YPEL4: variants seen among roughly 807,000 people sequenced by gnomAD.
The protein encoded by YPEL4 is protein yippee-like 4.
In YPEL4, 5 loss-of-function variants were observed where a neutral mutation model predicts 16.3. That is an observed-to-expected ratio of 0.31 (90% CI 0.16 to 0.64). The LOEUF is 0.64. Among genes scored for constraint, YPEL4 ranks in the 30% least tolerant of loss-of-function variants. YPEL4 has a pLI of 0.79. For missense variants in YPEL4, 127 were observed against 170.0 expected, an observed-to-expected ratio of 0.75 and a Z score of 1.41; for synonymous variants, 61 against 60.7, an observed-to-expected ratio of 1.00 and a Z score of -0.02.
chr11:57,645,952 G>C lies in YPEL4; in HGVS notation c.*29C>G. 1 of 1,606,972 alleles carries C rather than the reference G, an allele frequency of 6.2e-7. No homozygotes were observed. Among genetic ancestry groups the C allele is most frequent in the Non-Finnish European group, 8.5e-7 (1 of 1,174,934 alleles). ...GGGCCGTGGGGAGGGAGGGGCATGC[G>C]GAGGAAGGGCACACCCTGCCTGAGC... On this transcript the variant is annotated 3_prime_UTR_variant, in exon 5 of 5. Coordinates refer to ENST00000300022, the MANE Select transcript of YPEL4 (RefSeq NM_145008.3).
intron 4 of YPEL4, 45 bp downstream of exon 4, chr11:57,646,252 G>A (rs1458948253): frequency 6.2e-7 from 1 of 1,606,894 alleles, no homozygotes; most frequent in African/African-American, 1.3e-5. Flanking sequence ...GAAGGGCCAT[G>A]GGGACTGCCA....
intron 2 of YPEL4, 82 bp from the exon 3 acceptor site, chr11:57,646,876 G>C: frequency 6.3e-7 from 1 of 1,596,406 alleles, no homozygotes; most frequent in Non-Finnish European, 8.5e-7. Flanking sequence ...GTGTAGGAGA[G>C]AGGAAGAGCT....
At chr11:57,646,696 A>C in intron 3 of YPEL4, 55 bp downstream of exon 3, 2 of 1,604,732 alleles carry the variant, frequency 1.2e-6, no homozygotes, top group Non-Finnish European at 1.7e-6. Flanking sequence ...ACAGAGGAAA[A>C]TTACTCACTC....
At chr11:57,646,834 T>A (rs761758034) in intron 2 of YPEL4, 40 bp from the exon 3 acceptor site, 2 of 1,612,370 alleles carry the variant, frequency 1.2e-6, no homozygotes, top group Non-Finnish European at 1.7e-6. Context: ...CCAAGCAGCC[T>A]TCAGCCCCAC....
Position 57,647,137 on chromosome 11 carries a change from C to T in YPEL4, c.-30G>A. On this transcript the variant is annotated 5_prime_UTR_variant, in exon 2 of 5. Coordinates refer to ENST00000300022, the MANE Select transcript of YPEL4 (RefSeq NM_145008.3). This position sits in a 1 kb window ranked among gnomAD's most constrained non-coding sequence, Gnocchi z 4.2. ...GGCTGGAGGACAATGCCCTGGTGGG[C>T]TGGAGGGGCTGGCGCCGTGCAGCCC... 3 of 1,532,038 alleles carry T rather than the reference C, an allele frequency of 2.0e-6. No individual in the cohort carries two copies. The highest frequency in any genetic ancestry group is 2.8e-5 in the African/African-American group (2 of 72,158). The allele number at this position is 1,532,038 out of a possible 1,614,324, so 94.9% of individuals were successfully genotyped here. A position where few individuals can be genotyped will look rare whatever the true frequency, so the allele number is the denominator to read the frequency against.
At chr11:57,646,106 C>T in intron 4 of YPEL4, 36 bp from the exon 5 acceptor site, 1 of 1,612,408 alleles carries the variant, frequency 6.2e-7, no homozygotes, top group Middle Eastern at 1.7e-4. Context: ...TAGGACAAAG[C>T]AGTTTCCTTC....
intron 1 of YPEL4, chr11:57,649,106 CTG>C (rs1055591619): frequency 6.6e-6 from 1 of 152,348 alleles, no homozygotes; most frequent in Non-Finnish European, 1.5e-5. Flanking sequence ...GGGCAAATGA[CTG>C]GAGAAAAAAC....
rs767186910 is a variant in YPEL4 at position 57,647,145 on chromosome 11, G to C, written c.-38C>G. 4.6e-6 allele frequency: 7 copies of C among 1,521,610 alleles called. No homozygotes were observed. The South Asian group carries it at 8.8e-5, about 19-fold the overall frequency. 94.3% of individuals were successfully genotyped at this position (1,521,610 alleles called of 1,614,324 possible). The stretch of plus-strand genomic sequence containing the variant: ...GACAATGCCCTGGTGGGCTGGAGGG[G>C]CTGGCGCCGTGCAGCCCCCGCAGAG... On this transcript the variant is annotated 5_prime_UTR_variant, in exon 2 of 5. Coordinates refer to ENST00000300022, the MANE Select transcript of YPEL4 (RefSeq NM_145008.3). The surrounding 1 kb of genome is among the most constrained non-coding windows in gnomAD (Gnocchi z 4.2).
chr11:57,646,720 A>AGCACAC, intron 3 of YPEL4, 31 bp downstream of exon 3: 1 of 1,612,834 alleles, frequency 6.2e-7, no homozygotes, highest in Non-Finnish European at 8.5e-7. Context: ...CACAAGCACA[A>AGCACAC]GCACACGCAC....
chr11:57,646,928 C>G, intron 2 of YPEL4, 39 bp downstream of exon 2: 1 of 1,569,720 alleles, frequency 6.4e-7, no homozygotes, highest in East Asian at 2.3e-5. Flanking sequence ...TAGCCTGGTG[C>G]GCGAGAGGAG....
Position 57,647,435 on chromosome 11 carries a change from C to A in YPEL4, c.-184-144G>T. The A allele has an allele frequency of 4.7e-6, 1 of 213,478 alleles. No individual in the cohort carries two copies. The highest frequency in any genetic ancestry group is 9.2e-6 in the Non-Finnish European group (1 of 108,278). 13.2% of individuals were successfully genotyped at this position (213,478 alleles called of 1,614,324 possible). Reference sequence around the variant, plus strand: ...CCCCCACAGCATCCAGTTGCATTGTCGCCCTGTCCCCTGGATCCCCATTCT... The same window carrying A: ...CCCCCACAGCATCCAGTTGCATTGTAGCCCTGTCCCCTGGATCCCCATTCT... On this transcript the variant is annotated intron_variant, in intron 1 of 4. Transcript: ENST00000300022. This position sits in a 1 kb window ranked among gnomAD's most constrained non-coding sequence, Gnocchi z 4.2.
rs564112738 is a variant in YPEL4 at position 57,647,350 on chromosome 11, G to T, written c.-184-59C>A. ...CGACCTCAGGAGGACCCCTCCTGAG[G>T]GAATGGAGGAAAAGGGAATCAGCTC... is the stretch of plus-strand genomic sequence containing the variant. On this transcript the variant is annotated intron_variant, in intron 1 of 4. Coordinates refer to ENST00000300022, the MANE Select transcript of YPEL4 (RefSeq NM_145008.3). This position sits in a 1 kb window ranked among gnomAD's most constrained non-coding sequence, Gnocchi z 4.2. 6.0e-5 allele frequency: 27 copies of T among 451,224 alleles called. No individual in the cohort carries two copies. Among genetic ancestry groups the T allele is most frequent in the Middle Eastern group, 5.7e-4 (1 of 1,754 alleles). 28.0% of individuals were successfully genotyped at this position (451,224 alleles called of 1,614,324 possible). A position where few individuals can be genotyped will look rare whatever the true frequency, so the allele number is the denominator to read the frequency against.
chr11:57,646,930 C>T (rs751150516), intron 2 of YPEL4, 37 bp downstream of exon 2: 46 of 1,569,912 alleles, frequency 2.9e-5, no homozygotes, highest in Middle Eastern at 3.3e-4. Flanking sequence ...GCCTGGTGCG[C>T]GAGAGGAGGG....
chr11:57,646,429 C>T (rs760760919), intron 3 of YPEL4, 24 bp from the exon 4 acceptor site: 13 of 1,613,530 alleles, frequency 8.1e-6, no homozygotes, highest in Non-Finnish European at 1.1e-5. Context: ...CAGGAAGGAC[C>T]CAGCACCCAG....
intron 1 of YPEL4, chr11:57,648,872 C>T (rs912143732): frequency 2.0e-5 from 3 of 152,234 alleles, no homozygotes; most frequent in African/African-American, 7.2e-5. Flanking sequence ...GAGTTCCCCT[C>T]TGACATGCAC....
In YPEL4 at chr11:57,645,931, C is replaced by A; in HGVS notation, c.*50G>T. 1.3e-6 allele frequency: 2 copies of A among 1,590,912 alleles called. No homozygotes were observed. Among genetic ancestry groups the A allele is most frequent in the Non-Finnish European group, 1.7e-6 (2 of 1,163,382 alleles). ...GCTGGTATAGACTGCTTGGCAGGGC[C>A]GTGGGGAGGGAGGGGCATGCGGAGG... On this transcript the variant is annotated 3_prime_UTR_variant, in exon 5 of 5. Coordinates refer to ENST00000300022, the MANE Select transcript of YPEL4 (RefSeq NM_145008.3).
intron 3 of YPEL4, 53 bp downstream of exon 3, chr11:57,646,698 T>A (rs1945734171): frequency 1.2e-6 from 2 of 1,605,742 alleles, no homozygotes; most frequent in East Asian, 4.5e-5. Context: ...AGAGGAAAAT[T>A]ACTCACTCAC....
At chr11:57,646,121 C>T in intron 4 of YPEL4, 51 bp from the exon 5 acceptor site, 2 of 1,604,430 alleles carry the variant, frequency 1.2e-6, no homozygotes, top group Non-Finnish European at 1.7e-6. Flanking sequence ...TCCTTCCAGG[C>T]CCCACTGTCA....
At position 57,647,325 on chromosome 11, in the gene YPEL4, C is replaced by T. The variant is rs578011738; in HGVS notation, c.-184-34G>A. On this transcript the variant is annotated intron_variant, in intron 1 of 4. Transcript: ENST00000300022. The surrounding 1 kb of genome is among the most constrained non-coding windows in gnomAD (Gnocchi z 4.2). ...AGGGGAAAGGACATCAGGGGAGCTG[C>T]GACCTCAGGAGGACCCCTCCTGAGG... 45 of 536,390 alleles carry T rather than the reference C, an allele frequency of 8.4e-5. No homozygotes were observed. The South Asian group carries it at 9.3e-4, about 11-fold the overall frequency. The allele number at this position is 536,390 out of a possible 1,614,324, so 33.2% of individuals were successfully genotyped here. A position where few individuals can be genotyped will look rare whatever the true frequency, so the allele number is the denominator to read the frequency against.
Sources: gnomAD v4.1 joint callset for allele counts on GRCh38, gnomAD v4.1.1 for gene constraint, Gnocchi (gnomAD v3.1) non-coding constraint, MANE v1.5 for transcripts, NCBI Gene and HGNC (gene_info 2026-07-23, HGNC 2026-07-21) for gene names.